The following HDGF variants were observed in gnomAD, a reference collection of about 807,000 sequenced individuals.
The protein encoded by HDGF is hepatoma-derived growth factor.
A neutral mutation model predicts 30.0 loss-of-function variants in HDGF; 5 were observed. The observed-to-expected ratio is 0.17, with a 90% CI of 0.09 to 0.35. The LOEUF (loss-of-function observed/expected upper bound fraction) is 0.35. Ranked by LOEUF, HDGF falls within the 10% of genes least tolerant of loss-of-function variation. The pLI is 1.00. For missense variants in HDGF, 214 were observed against 302.8 expected (o/e 0.71, Z 2.18); for synonymous variants, 133 against 112.7 (o/e 1.18, Z -1.14).
At chr1:156,761,497 T>C (rs1168264232) in intron 1 of HDGF, among the ~76,000 whole-genome samples, 2 of 150,074 alleles carry the variant, frequency 1.3e-5, no homozygotes, top group African/African-American at 4.9e-5. Flanking sequence ...TAATCCCAGC[T>C]ACTTGGGAGG....
At chr1:156,745,798 C>T (rs545622719) in intron 1 of HDGF, among the ~76,000 whole-genome samples, 49 of 152,342 alleles carry the variant, frequency 3.2e-4, no homozygotes, top group South Asian at 1.7e-3. Flanking sequence ...CTGTTCACCC[C>T]TTCTGCACAA....
chr1:156,744,948 T>C (rs1303350518), intron 3 of HDGF, 60 bp downstream of exon 3: 10 of 1,593,446 alleles, frequency 6.3e-6, no homozygotes, highest in East Asian at 2.2e-5. Flanking sequence ...GGCCGGGGGC[T>C]GCCAGAGCCC....
At chr1:156,748,033 T>A (rs915631964) in intron 1 of HDGF, among the ~76,000 whole-genome samples, 1 of 152,124 alleles carries the variant, frequency 6.6e-6, no homozygotes, top group Non-Finnish European at 1.5e-5. Flanking sequence ...CCAGCCCTGC[T>A]GACTTCTAGC....
chr1:156,744,080 C>T, intron 4 of HDGF, 83 bp downstream of exon 4: 1 of 1,439,596 alleles, frequency 6.9e-7, no homozygotes, highest in Non-Finnish European at 9.8e-7. Flanking sequence ...AGACTGGGCA[C>T]CCCTGAGGCA....
chr1:156,744,969 C>G, intron 3 of HDGF, 39 bp downstream of exon 3: 1 of 1,611,862 alleles, frequency 6.2e-7, no homozygotes, highest in Non-Finnish European at 8.5e-7. Context: ...ACAGCCACAT[C>G]TGCTTTCCAG....
At chr1:156,751,901 A>G (rs1023084401), upstream of HDGF, 34 of 1,007,128 alleles carry the variant, frequency 3.4e-5, 1 homozygote, top group East Asian at 1.1e-4. The surrounding 1 kb of genome is among the most constrained non-coding windows in gnomAD (Gnocchi z 4.7). Context: ...CGGCACAGGC[A>G]TAAGGAGCCG....
At chr1:156,759,935 T>C (rs916019635) in intron 1 of HDGF, among the ~76,000 whole-genome samples, 6 of 152,236 alleles carry the variant, frequency 3.9e-5, no homozygotes, top group Non-Finnish European at 7.3e-5. Flanking sequence ...AATAATGCAA[T>C]AGTAAATAAT....
In HDGF at chr1:156,742,269, A is replaced by C. The variant is rs1650175111; in HGVS notation, c.*1180T>G. On this transcript the variant is annotated 3_prime_UTR_variant, in exon 6 of 6. Transcript: ENST00000357325. The stretch of plus-strand genomic sequence containing the variant: ...GAGAGGCATAGAGAGACCAGTAGGA[A>C]GAGGGTGGGAGAGGGCACTTATTTC... The C allele has an allele frequency of 6.6e-6, 1 of 152,612 alleles. No individual in the cohort carries two copies. Among genetic ancestry groups the C allele is most frequent in the African/African-American group, 2.4e-5 (1 of 41,420 alleles). 9.5% of individuals were successfully genotyped at this position (152,612 alleles called of 1,614,324 possible). A position where few individuals can be genotyped will look rare whatever the true frequency, so the allele number is the denominator to read the frequency against.
At chr1:156,755,113 A>G (rs1651133745), upstream of HDGF, among the ~76,000 whole-genome samples, 1 of 152,228 alleles carries the variant, frequency 6.6e-6, no homozygotes, top group African/African-American at 2.4e-5. Context: ...GCCCAGGTGG[A>G]AACCAATTCA....
chr1:156,752,227 A>G (rs1420741254), upstream of HDGF: 1 of 1,551,666 alleles, frequency 6.4e-7, no homozygotes, highest in Non-Finnish European at 8.7e-7. Context: ...CGCCGTGCTT[A>G]CCGTATGGGG....
chr1:156,760,837 C>T (rs987674550), intron 1 of HDGF, among the ~76,000 whole-genome samples: 4 of 150,108 alleles, frequency 2.7e-5, no homozygotes, highest in African/African-American at 9.9e-5. Context: ...CTTTTTCTCC[C>T]CCAGCCTTTT....
In HDGF at chr1:156,758,596, A is replaced by T. The variant is rs373929783; in HGVS notation, n.373+387T>A. Among the ~76,000 whole-genome samples the T allele has an allele frequency of 5.3e-5, 5 of 94,150 alleles. 1 individual carries two copies. Among genetic ancestry groups the T allele is most frequent in the African/African-American group, 1.4e-4 (4 of 27,780 alleles). The allele number at this position is 94,150 out of a possible 152,430, so 61.8% of individuals were successfully genotyped here. A position where few individuals can be genotyped will look rare whatever the true frequency, so the allele number is the denominator to read the frequency against. ...TGACAGAGCGAGACTCCGTCTCAAA[A>T]AAAAAAATAAATAAATAAATAAATA... On this transcript the variant is annotated intron_variant and non_coding_transcript_variant, in intron 2 of 7. Transcript: ENST00000465180.
chr1:156,750,453 C>A (rs1187196376), intron 1 of HDGF, among the ~76,000 whole-genome samples: 2 of 152,142 alleles, frequency 1.3e-5, no homozygotes, highest in Non-Finnish European at 1.5e-5. Context: ...CCCCACCCTC[C>A]CACCTGGCCA....
intron 1 of HDGF, among the ~76,000 whole-genome samples, chr1:156,750,438 C>T (rs932510604): frequency 8.5e-5 from 13 of 152,166 alleles, no homozygotes; most frequent in African/African-American, 2.9e-4. Flanking sequence ...GGCTTGGCTG[C>T]AGGGCCCCAC....
upstream of HDGF, chr1:156,751,732 C>G: frequency 8.5e-7 from 1 of 1,182,244 alleles, no homozygotes; most frequent in Non-Finnish European, 1.0e-6. This position sits in a 1 kb window ranked among gnomAD's most constrained non-coding sequence, Gnocchi z 4.7. Flanking sequence ...CCGCCCGGTC[C>G]CCACTCCTCC....
rs1387049069 is a variant in HDGF, at chr1:156,744,911, G to A, written c.303+97C>T. 7 of 1,428,504 alleles carry A rather than the reference G, an allele frequency of 4.9e-6. No homozygotes were observed. In the African/African-American group the frequency reaches 8.5e-5, roughly 17 times the overall value. The allele number at this position is 1,428,504 out of a possible 1,614,324, so 88.5% of individuals were successfully genotyped here. A position where few individuals can be genotyped will look rare whatever the true frequency, so the allele number is the denominator to read the frequency against. ...TAGCTCCTACCCTGAAAGCCCTGGA[G>A]TTTCTGAAGACTAAGCATCATCTGT... On this transcript the variant is annotated intron_variant, in intron 3 of 5. Coordinates refer to ENST00000357325, the MANE Select transcript of HDGF (RefSeq NM_004494.3).
upstream of HDGF, chr1:156,752,119 T>A (rs1462762761): frequency 3.2e-6 from 5 of 1,551,410 alleles, no homozygotes; most frequent in South Asian, 5.9e-5. Context: ...TCCACAAATA[T>A]TTACTGGGCA....
chr1:156,762,244 A>C (rs1261462014), intron 1 of HDGF, among the ~76,000 whole-genome samples: 1 of 151,440 alleles, frequency 6.6e-6, no homozygotes, highest in Non-Finnish European at 1.5e-5. Flanking sequence ...GTTTCATATA[A>C]GGAAAAAAAA....
chr1:156,752,195 C>T (rs1442487054), upstream of HDGF: 2 of 1,551,794 alleles, frequency 1.3e-6, no homozygotes, highest in South Asian at 1.2e-5. Flanking sequence ...CCGCTCCGCG[C>T]ACTGGGGTCC....
Sources: allele counts gnomAD v4.1 joint callset (sites outside exome capture counted in the v4.1 genomes callset), GRCh38; gene constraint gnomAD v4.1.1; non-coding constraint Gnocchi (gnomAD v3.1); transcripts MANE v1.5; gene names NCBI Gene and HGNC (gene_info 2026-07-23, HGNC 2026-07-21).